The following GADL1 variants were observed in gnomAD, a reference collection of about 807,000 sequenced individuals.
GADL1 encodes acidic amino acid decarboxylase GADL1.
GADL1 carries 71 observed loss-of-function variants against 69.5 expected under a neutral mutation model. The observed-to-expected ratio is 1.02, with a 90% CI of 0.84 to 1.25. The LOEUF is 1.25. Ranked by LOEUF, GADL1 falls within the 50% of genes most tolerant of loss-of-function variation. The pLI is 0.00. For missense variants in GADL1, 737 were observed against 631.8 expected, an observed-to-expected ratio of 1.17 and a Z score of -1.79; for synonymous variants, 254 against 214.4, an observed-to-expected ratio of 1.18 and a Z score of -1.62.
At chr3:30,750,825 G>C (rs563477858) in intron 14 of GADL1, among the ~76,000 whole-genome samples, 2 of 143,086 alleles carry the variant, frequency 1.4e-5, no homozygotes, top group South Asian at 4.5e-4. Context: ...TAATTCATTC[G>C]CCTTAGCTCA....
chr3:30,727,210 G>A lies in GADL1; in HGVS notation c.*1032C>T, dbSNP rs1381461847. On this transcript the variant is annotated 3_prime_UTR_variant, in exon 15 of 15. Coordinates refer to ENST00000282538, the MANE Select transcript of GADL1 (RefSeq NM_207359.3). Reference sequence around the variant, plus strand: ...TTTTCTTAAAAAGCACCCCAGTTCAGGTATCTTGAATAAAGAAAATTAGTC... The same window carrying A: ...TTTTCTTAAAAAGCACCCCAGTTCAAGTATCTTGAATAAAGAAAATTAGTC... 2.1e-5 allele frequency: 3 copies of A among 145,344 alleles called. No homozygotes were observed. The highest frequency in any genetic ancestry group is 4.5e-5 in the Non-Finnish European group (3 of 66,516). 9.0% of individuals were successfully genotyped at this position (145,344 alleles called of 1,614,324 possible). A position where few individuals can be genotyped will look rare whatever the true frequency, so the allele number is the denominator to read the frequency against.
chr3:30,872,994 T>G (rs1162853091), intron 1 of GADL1, among the ~76,000 whole-genome samples: 4 of 149,268 alleles, frequency 2.7e-5, no homozygotes, highest in South Asian at 2.1e-4. Context: ...AAATATGCTG[T>G]TTTTTTTCTA....
At chr3:30,860,733 A>T (rs556697080) in intron 2 of GADL1, among the ~76,000 whole-genome samples, 1 of 152,172 alleles carries the variant, frequency 6.6e-6, no homozygotes, top group East Asian at 1.9e-4. Flanking sequence ...CACCTCCAAC[A>T]TGAAAACCAA....
intron 13 of GADL1, among the ~76,000 whole-genome samples, chr3:30,784,355 CTGTTTTCCTCACAT>C (rs1696742271): frequency 6.6e-6 from 1 of 151,908 alleles, no homozygotes; most frequent in Non-Finnish European, 1.5e-5. Context: ...ACTACTCCCT[CTGTTTTCCTCACAT>C]CACCGGCCTG....
intron 9 of GADL1, among the ~76,000 whole-genome samples, chr3:30,834,601 GACA>G (rs1019640343): frequency 6.6e-6 from 1 of 152,054 alleles, no homozygotes; most frequent in African/African-American, 2.4e-5. Context: ...CTCTAACATA[GACA>G]ACATCTTCAC....
At chr3:30,861,913 T>G in intron 1 of GADL1, 148 bp from the exon 2 acceptor site, 1 of 592,820 alleles carries the variant, frequency 1.7e-6, no homozygotes, top group Non-Finnish European at 2.9e-6. Context: ...GCTGACAATT[T>G]CTTATGACAC....
chr3:30,893,396 C>A (rs1214765473), intron 1 of GADL1, among the ~76,000 whole-genome samples: 1 of 152,050 alleles, frequency 6.6e-6, no homozygotes, highest in Non-Finnish European at 1.5e-5. Context: ...GGTGAGAACA[C>A]TGAAATCCTC....
intron 14 of GADL1, among the ~76,000 whole-genome samples, chr3:30,729,013 G>T (rs1695413478): frequency 6.6e-6 from 1 of 152,056 alleles, no homozygotes; most frequent in South Asian, 2.1e-4. Flanking sequence ...AAAAAAGAAA[G>T]TTAGATATTA....
At chr3:30,728,817 A>G (rs1480506723) in intron 14 of GADL1, among the ~76,000 whole-genome samples, 1 of 152,148 alleles carries the variant, frequency 6.6e-6, no homozygotes, top group Non-Finnish European at 1.5e-5. Context: ...TCATTCTCAA[A>G]TTTGTCTTAA....
At chr3:30,795,184 G>A (rs1050745620) in intron 12 of GADL1, among the ~76,000 whole-genome samples, 9 of 152,088 alleles carry the variant, frequency 5.9e-5, no homozygotes, top group Admixed American at 3.3e-4. Flanking sequence ...TCCAACCATG[G>A]GTGAAATGCT....
At chr3:30,838,598 C>T (rs1464459373) in intron 9 of GADL1, among the ~76,000 whole-genome samples, 1 of 152,066 alleles carries the variant, frequency 6.6e-6, no homozygotes, top group Non-Finnish European at 1.5e-5. Flanking sequence ...ATCTACCATC[C>T]CCCCTCTTTA....
chr3:30,751,078 G>A (rs1179856322), intron 14 of GADL1, among the ~76,000 whole-genome samples: 1 of 152,048 alleles, frequency 6.6e-6, no homozygotes, highest in Non-Finnish European at 1.5e-5. Context: ...ATTCGCATAA[G>A]CAAAAGAACA....
chr3:30,759,594 C>G (rs1696071871), intron 14 of GADL1, among the ~76,000 whole-genome samples: 1 of 151,986 alleles, frequency 6.6e-6, no homozygotes, highest in Non-Finnish European at 1.5e-5. Flanking sequence ...TGAATTGTCA[C>G]TAGGTTTTAT....
chr3:30,830,900 C>A (rs1463602106), intron 11 of GADL1, among the ~76,000 whole-genome samples: 1 of 151,948 alleles, frequency 6.6e-6, no homozygotes, highest in Admixed American at 6.6e-5. Flanking sequence ...CGTTCAGTTG[C>A]TGTATCAGTA....
chr3:30,812,154 C>A (rs1307036899), intron 11 of GADL1, among the ~76,000 whole-genome samples: 1 of 152,090 alleles, frequency 6.6e-6, no homozygotes, highest in Non-Finnish European at 1.5e-5. Flanking sequence ...TTCCGTGCAA[C>A]CCAAAGAGAA....
intron 14 of GADL1, among the ~76,000 whole-genome samples, chr3:30,744,753 C>T (rs1455950328): frequency 6.6e-6 from 1 of 152,118 alleles, no homozygotes; most frequent in Non-Finnish European, 1.5e-5. Context: ...ATATTTTAGA[C>T]TTTGCAGGCC....
At chr3:30,744,736 A>C (rs887579191) in intron 14 of GADL1, among the ~76,000 whole-genome samples, 1 of 152,134 alleles carries the variant, frequency 6.6e-6, no homozygotes, top group Non-Finnish European at 1.5e-5. Context: ...AAAAAGCTAC[A>C]TAGTAAATAT....
intron 14 of GADL1, among the ~76,000 whole-genome samples, chr3:30,733,560 C>A (rs946193774): frequency 2.0e-5 from 3 of 151,690 alleles, no homozygotes; most frequent in African/African-American, 7.3e-5. Flanking sequence ...CCTGTAAAGT[C>A]ATCTCTTTTC....
At position 30,825,856 on chromosome 3, in the gene GADL1, G is replaced by C. The variant is rs924638085; in HGVS notation, c.1050+7997C>G. ...TAAAACCTAGATGATGGGTTGATAG[G>C]TGCAGCAAAGCACCACAGCACATGT... On this transcript the variant is annotated intron_variant, in intron 11 of 14. Coordinates refer to ENST00000282538, the MANE Select transcript of GADL1 (RefSeq NM_207359.3). Among the ~76,000 whole-genome samples, 6 of 152,006 alleles carry C rather than the reference G, an allele frequency of 3.9e-5. No individual in the cohort carries two copies. In the South Asian group the frequency reaches 1.0e-3, roughly 26 times the overall value.
Sources: gnomAD v4.1 joint callset for allele counts (sites outside exome capture counted in the v4.1 genomes callset) on GRCh38, gnomAD v4.1.1 for gene constraint, MANE v1.5 for transcripts, NCBI Gene and HGNC (gene_info 2026-07-23, HGNC 2026-07-21) for gene names.